HYAL4: variants seen among roughly 807,000 people sequenced by gnomAD.
HYAL4 encodes the protein hyaluronidase 4.
Under a neutral mutation model 35.2 loss-of-function variants are expected in HYAL4, and 37 were observed. That is an observed-to-expected ratio of 1.05 (90% CI 0.81 to 1.38). The LOEUF is 1.38. Among genes scored for constraint, HYAL4 ranks in the 40% most tolerant of loss-of-function variants. HYAL4 has a pLI of 0.00. For synonymous variants in HYAL4, 198 were observed against 203.2 expected, an observed-to-expected ratio of 0.97 and a Z score of 0.22; for missense variants, 572 against 572.4, an observed-to-expected ratio of 1.00 and a Z score of 0.01.
chr7:123,803,496 T>C, the HYAL4 span, among the ~76,000 whole-genome samples: 4 of 152,234 alleles, frequency 2.6e-5, no homozygotes, highest in African/African-American at 7.2e-5. Flanking sequence ...CCTTAAATGT[T>C]TGTGTTCCTT....
chr7:123,865,984 A>G (rs2116952417), intron 2 of HYAL4, among the ~76,000 whole-genome samples: 1 of 152,308 alleles, frequency 6.6e-6, no homozygotes, highest in African/African-American at 2.4e-5. Flanking sequence ...TTATAAAACC[A>G]TCAGATGGCA....
At chr7:123,860,552 T>C (rs895258842) in intron 2 of HYAL4, among the ~76,000 whole-genome samples, 1 of 152,220 alleles carries the variant, frequency 6.6e-6, no homozygotes, top group Admixed American at 6.5e-5. Flanking sequence ...AATGTCCTTA[T>C]CAATATGTAG....
intron 2 of HYAL4, among the ~76,000 whole-genome samples, chr7:123,852,844 T>C (rs1806343203): frequency 6.6e-6 from 1 of 152,164 alleles, no homozygotes; most frequent in African/African-American, 2.4e-5. Context: ...GCCATTTTCA[T>C]GATATTGATT....
the HYAL4 span, among the ~76,000 whole-genome samples, chr7:123,773,027 C>CT: frequency 6.6e-6 from 1 of 152,060 alleles, no homozygotes; most frequent in African/African-American, 2.4e-5. Flanking sequence ...TTTTCTTTTT[C>CT]TTTTTTTCTT....
At chr7:123,856,580 G>A (rs1350164600) in intron 2 of HYAL4, among the ~76,000 whole-genome samples, 1 of 152,130 alleles carries the variant, frequency 6.6e-6, no homozygotes, top group African/African-American at 2.4e-5. Context: ...ATCCCAAAGG[G>A]CACCTGCCAG....
At chr7:123,786,713 G>GCTATCTATCTATCTATCTATCTAT in the HYAL4 span, among the ~76,000 whole-genome samples, 1 of 148,350 alleles carries the variant, frequency 6.7e-6, no homozygotes, top group East Asian at 2.0e-4. Context: ...TGTATCACAT[G>GCTATCTATCTATCTATCTATCTAT]CTATCTATCT....
upstream of HYAL4, among the ~76,000 whole-genome samples, chr7:123,843,429 A>T (rs1278903613): frequency 1.3e-5 from 2 of 151,890 alleles, no homozygotes; most frequent in African/African-American, 4.8e-5. Context: ...GCTGCTCTTA[A>T]CACTTTTTCC....
At chr7:123,820,261 T>C in the HYAL4 span, among the ~76,000 whole-genome samples, 1 of 151,412 alleles carries the variant, frequency 6.6e-6, no homozygotes. Flanking sequence ...TCTATTTGTA[T>C]ATAAAGGTTT....
At chr7:123,769,099 A>C in the HYAL4 span, among the ~76,000 whole-genome samples, 1 of 152,256 alleles carries the variant, frequency 6.6e-6, no homozygotes, top group African/African-American at 2.4e-5. Flanking sequence ...GAGAAACACA[A>C]GTGAGTTCAT....
chr7:123,842,530 G>A (rs1806091161), upstream of HYAL4, among the ~76,000 whole-genome samples: 1 of 152,048 alleles, frequency 6.6e-6, no homozygotes, highest in Admixed American at 6.6e-5. Context: ...TTGCAGAGCT[G>A]AGTTCAGGTC....
chr7:123,804,941 A>G, the HYAL4 span, among the ~76,000 whole-genome samples: 1 of 152,184 alleles, frequency 6.6e-6, no homozygotes, highest in Non-Finnish European at 1.5e-5. Context: ...ACCTATTCTC[A>G]CTTCCAGATG....
the HYAL4 span, among the ~76,000 whole-genome samples, chr7:123,786,835 C>T: frequency 7.2e-5 from 11 of 151,932 alleles, no homozygotes; most frequent in East Asian, 1.9e-4. Flanking sequence ...TAACTGGGCG[C>T]GGTGGCTCAT....
the HYAL4 span, among the ~76,000 whole-genome samples, chr7:123,779,197 C>T: frequency 6.6e-6 from 1 of 152,006 alleles, no homozygotes; most frequent in Non-Finnish European, 1.5e-5. Context: ...ATCTAGTAAA[C>T]ATCAATAGAT....
upstream of HYAL4, among the ~76,000 whole-genome samples, chr7:123,840,844 T>C (rs1382717408): frequency 1.3e-5 from 2 of 152,106 alleles, no homozygotes; most frequent in Admixed American, 1.3e-4. Context: ...TTTTGTGTCC[T>C]GAGACCTTGC....
At chr7:123,866,333 C>T (rs939159642) in intron 2 of HYAL4, among the ~76,000 whole-genome samples, 1 of 152,218 alleles carries the variant, frequency 6.6e-6, no homozygotes, top group African/African-American at 2.4e-5. Context: ...GGCAATGTCA[C>T]CTCAGCCTCC....
chr7:123,840,530 A>G (rs1361550360), upstream of HYAL4, among the ~76,000 whole-genome samples: 2 of 151,982 alleles, frequency 1.3e-5, no homozygotes, highest in African/African-American at 4.8e-5. Flanking sequence ...GAAGAAAGTC[A>G]TTGGTAGCTT....
intron 3 of HYAL4, among the ~76,000 whole-genome samples, chr7:123,870,579 T>C (rs528579740): frequency 1.3e-5 from 2 of 152,102 alleles, no homozygotes; most frequent in South Asian, 2.1e-4. Flanking sequence ...CTGACCAAGA[T>C]AGTGAAACCT....
chr7:123,807,432 G>GTTTTTT, the HYAL4 span, among the ~76,000 whole-genome samples: 5 of 120,804 alleles, frequency 4.1e-5, no homozygotes, highest in Non-Finnish European at 8.7e-5. Flanking sequence ...ACTTTTTATG[G>GTTTTTT]TTTTTTTTTT....
the HYAL4 span, among the ~76,000 whole-genome samples, chr7:123,802,837 G>T: frequency 6.6e-6 from 1 of 152,148 alleles, no homozygotes; most frequent in Non-Finnish European, 1.5e-5. Flanking sequence ...TTAAGATTAT[G>T]AAACATATGC....
Sources: gnomAD v4.1 joint callset for allele counts (sites outside exome capture counted in the v4.1 genomes callset) on GRCh38, gnomAD v4.1.1 for gene constraint, MANE v1.5 for transcripts, NCBI Gene and HGNC (gene_info 2026-07-23, HGNC 2026-07-21) for gene names.